The following SUPT3H variants were observed in gnomAD, a reference collection of about 807,000 sequenced individuals.
SUPT3H encodes the protein transcription initiation protein SPT3 homolog.
In SUPT3H, 44 loss-of-function variants were observed where a neutral mutation model predicts 44.3. The observed-to-expected ratio is 0.99, with a 90% CI of 0.78 to 1.28. The LOEUF is 1.28. Ranked by LOEUF, SUPT3H falls within the 50% of genes most tolerant of loss-of-function variation. The pLI is 0.00. For synonymous variants in SUPT3H, 124 were observed against 125.6 expected (o/e 0.99, Z 0.09); for missense variants, 380 against 387.1 (o/e 0.98, Z 0.15).
At chr6:44,984,881 A>G (rs1779566755) in intron 6 of SUPT3H, among the ~76,000 whole-genome samples, 1 of 152,130 alleles carries the variant, frequency 6.6e-6, no homozygotes, top group Non-Finnish European at 1.5e-5. Context: ...ATCTTCCTAA[A>G]TAGCCCATAA....
At chr6:45,273,554 T>C (rs1428979847) in intron 2 of SUPT3H, among the ~76,000 whole-genome samples, 2 of 152,044 alleles carry the variant, frequency 1.3e-5, no homozygotes, top group Admixed American at 6.5e-5. Context: ...GTTTATTTTG[T>C]TGTTTAAAAA....
At chr6:45,208,293 G>A (rs1763521464) in intron 2 of SUPT3H, among the ~76,000 whole-genome samples, 2 of 152,334 alleles carry the variant, frequency 1.3e-5, no homozygotes, top group Admixed American at 6.5e-5. Context: ...ACTGGCAGAT[G>A]TTGGTTCATG....
chr6:45,030,188 TA>T (rs546776369), intron 3 of SUPT3H, among the ~76,000 whole-genome samples: 161 of 152,352 alleles, frequency 1.1e-3, no homozygotes, highest in African/African-American at 3.7e-3. Flanking sequence ...TTGTTCAACA[TA>T]ATATATAGTT....
At chr6:45,080,996 C>T (rs913001110) in intron 3 of SUPT3H, among the ~76,000 whole-genome samples, 1 of 150,590 alleles carries the variant, frequency 6.6e-6, no homozygotes, top group Non-Finnish European at 1.5e-5. Flanking sequence ...AAATTACTAT[C>T]CATTTTATGC....
chr6:44,867,850 G>A (rs116747446), intron 10 of SUPT3H, among the ~76,000 whole-genome samples: 13 of 152,246 alleles, frequency 8.5e-5, no homozygotes, highest in Non-Finnish European at 7.4e-5. Flanking sequence ...TCCAGTAACC[G>A]TTCAAATACA....
At chr6:45,028,071 C>T (rs1786308946) in intron 3 of SUPT3H, among the ~76,000 whole-genome samples, 1 of 152,104 alleles carries the variant, frequency 6.6e-6, no homozygotes. Flanking sequence ...TGTTCTTGTC[C>T]TTTACATTTG....
intron 2 of SUPT3H, among the ~76,000 whole-genome samples, chr6:45,266,380 G>C (rs1775270243): frequency 6.6e-6 from 1 of 151,686 alleles, no homozygotes; most frequent in Non-Finnish European, 1.5e-5. Flanking sequence ...TTTCGTCAAA[G>C]TGATACTTAA....
At chr6:44,852,753 AT>A (rs1400778945) in intron 10 of SUPT3H, among the ~76,000 whole-genome samples, 12 of 152,238 alleles carry the variant, frequency 7.9e-5, no homozygotes, top group Non-Finnish European at 1.8e-4. Context: ...TCCTATCAGC[AT>A]ACAAAAGGTC....
chr6:44,887,804 C>T (rs1762564642), intron 10 of SUPT3H, among the ~76,000 whole-genome samples: 1 of 151,296 alleles, frequency 6.6e-6, no homozygotes, highest in Non-Finnish European at 1.5e-5. Context: ...CACAAAAAAC[C>T]CTTCAAAAAA....
chr6:45,020,866 A>G (rs1193668928), intron 3 of SUPT3H, among the ~76,000 whole-genome samples: 3 of 151,972 alleles, frequency 2.0e-5, no homozygotes, highest in African/African-American at 7.2e-5. Flanking sequence ...GAAATCTTTT[A>G]TTTCTTTCTT....
At position 45,332,698 on chromosome 6, in the gene SUPT3H, T is replaced by C. The variant is rs76945085; in HGVS notation, c.101+32503A>G. ...CGAAACAGTCTACCTCTATAGCATC[T>C]ATTAAAAATATATAAAAACATGTGA... On this transcript the variant is annotated intron_variant, in intron 2 of 10. Transcript: ENST00000371459. Among the ~76,000 whole-genome samples, 832 of 151,898 alleles carry C rather than the reference T, an allele frequency of 5.5e-3. 11 individuals are homozygous for C. Among genetic ancestry groups the C allele is most frequent in the African/African-American group, 0.019 (797 of 41,498 alleles).
At chr6:45,176,367 C>G (rs370279958) in intron 2 of SUPT3H, among the ~76,000 whole-genome samples, 6 of 151,798 alleles carry the variant, frequency 4.0e-5, no homozygotes, top group Admixed American at 1.3e-4. Flanking sequence ...CTTTTCAGAC[C>G]GGCTTAAAAA....
intron 7 of SUPT3H, 148 bp from the exon 8 acceptor site, chr6:44,954,755 C>A (rs1774862955): frequency 3.3e-6 from 2 of 614,880 alleles, no homozygotes; most frequent in Admixed American, 5.9e-5. Flanking sequence ...TCTAGATATT[C>A]TGGCCCCAAG....
intron 2 of SUPT3H, among the ~76,000 whole-genome samples, chr6:45,277,220 A>G (rs1038595959): frequency 1.3e-5 from 2 of 152,194 alleles, no homozygotes; most frequent in African/African-American, 4.8e-5. Context: ...CTTCATAGAA[A>G]TACTTTTCTC....
At chr6:44,917,931 TGC>T (rs147406583) in intron 10 of SUPT3H, among the ~76,000 whole-genome samples, 11,362 of 152,214 alleles carry the variant, frequency 0.075, 837 homozygotes, top group African/African-American at 0.18. Flanking sequence ...CTATCGGTAA[TGC>T]CATGCTCTAT....
chr6:45,267,758 T>C (rs1268513791), intron 2 of SUPT3H, among the ~76,000 whole-genome samples: 2 of 152,054 alleles, frequency 1.3e-5, no homozygotes, highest in Non-Finnish European at 2.9e-5. Context: ...GCCTAGGCCT[T>C]ACAAGGACTT....
intron 2 of SUPT3H, among the ~76,000 whole-genome samples, chr6:45,114,033 T>TAATTAA (rs1800474464): frequency 6.6e-6 from 1 of 151,784 alleles, no homozygotes; most frequent in Non-Finnish European, 1.5e-5. Context: ...TATGTGAAGA[T>TAATTAA]ATATAAAAAG....
At chr6:45,242,245 C>T (rs1230822831) in intron 2 of SUPT3H, among the ~76,000 whole-genome samples, 1 of 152,152 alleles carries the variant, frequency 6.6e-6, no homozygotes, top group Non-Finnish European at 1.5e-5. Flanking sequence ...ACTTTCTAAA[C>T]AGAATAAGGA....
chr6:45,010,260 C>T (rs1279274105), intron 5 of SUPT3H, among the ~76,000 whole-genome samples: 1 of 152,010 alleles, frequency 6.6e-6, no homozygotes, highest in African/African-American at 2.4e-5. Flanking sequence ...TTTCTATATA[C>T]AAAATTATGT....
Sources: gnomAD v4.1 joint callset for allele counts (sites outside exome capture counted in the v4.1 genomes callset) on GRCh38, gnomAD v4.1.1 for gene constraint, MANE v1.5 for transcripts, NCBI Gene and HGNC (gene_info 2026-07-23, HGNC 2026-07-21) for gene names.